Variants in KAZN observed in about 807,000 individuals in gnomAD.
KAZN encodes kazrin, periplakin interacting protein.
A neutral mutation model predicts 87.4 loss-of-function variants in KAZN; 40 were observed. The observed-to-expected ratio is 0.46, with a 90% CI of 0.36 to 0.60. The LOEUF (loss-of-function observed/expected upper bound fraction) is 0.60. Ranked by LOEUF, KAZN falls within the 20% of genes least tolerant of loss-of-function variation. The pLI, the probability that KAZN is intolerant of heterozygous loss-of-function variation, is 0.00. For missense variants in KAZN, 898 were observed against 1,073.9 expected, an observed-to-expected ratio of 0.84 and a Z score of 2.29; for synonymous variants, 466 against 458.3, an observed-to-expected ratio of 1.02 and a Z score of -0.22.
rs1641897942 is a variant in KAZN, at chr1:15,117,920, A to AT, written c.*3289dup. The AT allele has an allele frequency of 6.6e-6, 1 of 152,192 alleles. No individual in the cohort carries two copies. Among genetic ancestry groups the AT allele is most frequent in the African/African-American group, 2.4e-5 (1 of 41,456 alleles). 9.4% of individuals were successfully genotyped at this position (152,192 alleles called of 1,614,324 possible). A position where few individuals can be genotyped will look rare whatever the true frequency, so the allele number is the denominator to read the frequency against. On this transcript the variant is annotated 3_prime_UTR_variant, in exon 15 of 15. Transcript: ENST00000376030. ...CTCCCGAGCCCTGACACACAAAGGC[A>AT]TTTTGTGGCTGCAGAGGAAATGGGT...
At position 14,092,585 on chromosome 1, in the gene KAZN, A is replaced by ACACACACATATATACATATG. The variant is rs554401623; in HGVS notation, c.92-87850_92-87849insCACACACATATATACATATG. 1.9e-3 allele frequency among the ~76,000 whole-genome samples: 291 copies of ACACACACATATATACATATG among 149,356 alleles called. 8 individuals carry two copies. In the South Asian group the frequency reaches 0.055, roughly 28 times the overall value. Reference sequence around the variant, plus strand: ...CACATATATACATATGTATGTACATATATGTACATATACACACATATATAC... The same window carrying ACACACACATATATACATATG: ...CACATATATACATATGTATGTACATACACACACATATATACATATGTATGTACATATACACACATATATAC... On this transcript the variant is annotated intron_variant, in intron 1 of 16. Coordinates refer to the KAZN transcript ENST00000636203.
At chr1:14,938,542 CA>C (rs35014105) in intron 1 of KAZN, among the ~76,000 whole-genome samples, 60,261 of 107,682 alleles carry the variant, frequency 0.56, 16,053 homozygotes, top group African/African-American at 0.81. Flanking sequence ...AACTCCATCT[CA>C]AAAAAAAAAA....
chr1:14,278,339 G>A (rs1179191493), intron 2 of KAZN, among the ~76,000 whole-genome samples: 1 of 143,336 alleles, frequency 7.0e-6, no homozygotes, highest in African/African-American at 2.6e-5. Context: ...CGCACAGGCT[G>A]GAGTGCAGTG....
At chr1:14,960,238 C>A (rs896208639) in intron 1 of KAZN, among the ~76,000 whole-genome samples, 2 of 152,304 alleles carry the variant, frequency 1.3e-5, no homozygotes, top group South Asian at 4.1e-4. Flanking sequence ...TTATGACCAC[C>A]TGGAGTTACT....
intron 2 of KAZN, among the ~76,000 whole-genome samples, chr1:14,191,006 C>T (rs934255816): frequency 1.6e-4 from 25 of 152,158 alleles, no homozygotes; most frequent in African/African-American, 5.8e-4. Context: ...GTCATGTTCT[C>T]AGGAGAAAGA....
intron 2 of KAZN, among the ~76,000 whole-genome samples, chr1:14,580,380 CAGG>C (rs1370977243): frequency 2.0e-5 from 3 of 152,052 alleles, no homozygotes; most frequent in African/African-American, 7.3e-5. Flanking sequence ...AAGGCTGAGG[CAGG>C]AGAATTGCTT....
At chr1:15,046,691 G>C (rs1273318885) in intron 4 of KAZN, among the ~76,000 whole-genome samples, 1 of 152,220 alleles carries the variant, frequency 6.6e-6, no homozygotes, top group African/African-American at 2.4e-5. Context: ...GCCTAGCCTA[G>C]GTCTCCTTGT....
At chr1:15,058,326 G>C (rs934675803) in intron 5 of KAZN, among the ~76,000 whole-genome samples, 1 of 152,254 alleles carries the variant, frequency 6.6e-6, no homozygotes, top group Non-Finnish European at 1.5e-5. Context: ...AACTCACCCA[G>C]ATTGGAATTG....
intron 1 of KAZN, among the ~76,000 whole-genome samples, chr1:14,163,332 A>C (rs1300422911): frequency 6.6e-6 from 1 of 152,224 alleles, no homozygotes; most frequent in East Asian, 1.9e-4. Context: ...TGAGGTTTTC[A>C]TACATTGGCA....
Position 14,261,799 on chromosome 1 carries a change from C to T in KAZN, c.249+81207C>T, listed in dbSNP as rs752316103. The stretch of plus-strand genomic sequence containing the variant: ...CGAATTGTTCCTGAAGTCTGTCTTG[C>T]GGTACTTGTCACTTCAGTCTTTCTC... On this transcript the variant is annotated intron_variant, in intron 2 of 16. Coordinates refer to the KAZN transcript ENST00000636203. Among the ~76,000 whole-genome samples the T allele has an allele frequency of 5.9e-5, 9 of 152,100 alleles. No individual in the cohort carries two copies. The South Asian group carries it at 6.2e-4, about 10-fold the overall frequency.
At chr1:15,051,171 C>G (rs1674364630) in intron 4 of KAZN, among the ~76,000 whole-genome samples, 1 of 152,278 alleles carries the variant, frequency 6.6e-6, no homozygotes, top group South Asian at 2.1e-4. Flanking sequence ...CCTAGACGAG[C>G]ACTCATCTGC....
At chr1:14,501,120 TAAATAAATAAAA>T (rs1329224289) in intron 2 of KAZN, among the ~76,000 whole-genome samples, 6 of 116,444 alleles carry the variant, frequency 5.2e-5, no homozygotes, top group South Asian at 5.1e-4. Flanking sequence ...AATAAATAAA[TAAATAAATAAAA>T]ATAATAATAA....
At chr1:14,221,458 T>C (rs1323569767) in intron 2 of KAZN, among the ~76,000 whole-genome samples, 1 of 152,154 alleles carries the variant, frequency 6.6e-6, no homozygotes, top group Non-Finnish European at 1.5e-5. Context: ...GTTTTCTTTG[T>C]CTTTTTCTTT....
rs142147780 is a variant in KAZN at position 14,828,741 on chromosome 1, G to A, written c.227-131943G>A. On this transcript the variant is annotated intron_variant, in intron 1 of 14. Transcript: ENST00000376030. ...AATGCTGTGGTTGGTAGCACTGGAC[G>A]GGTACAACAGTCCAAAAGCATCATC... Among the ~76,000 whole-genome samples the A allele has an allele frequency of 8.5e-5, 13 of 152,216 alleles. No homozygotes were observed. In the East Asian group the frequency reaches 9.6e-4, roughly 11 times the overall value.
intron 1 of KAZN, among the ~76,000 whole-genome samples, chr1:14,636,520 G>A (rs933083383): frequency 3.3e-5 from 5 of 152,116 alleles, no homozygotes; most frequent in African/African-American, 7.2e-5. Flanking sequence ...TGACAGCAGC[G>A]GCTGACACGG....
intron 1 of KAZN, among the ~76,000 whole-genome samples, chr1:14,831,916 T>G (rs1647059753): frequency 6.6e-6 from 1 of 152,190 alleles, no homozygotes; most frequent in African/African-American, 2.4e-5. Context: ...GGGAATTGGC[T>G]GGGCTTAGTG....
At chr1:14,022,943 T>C (rs755439181) in intron 1 of KAZN, among the ~76,000 whole-genome samples, 2 of 152,170 alleles carry the variant, frequency 1.3e-5, no homozygotes, top group Non-Finnish European at 2.9e-5. Flanking sequence ...TTTGGACTTC[T>C]GATTGTTCCC....
In KAZN at chr1:14,055,805, G is replaced by T. The variant is rs1297473565; in HGVS notation, c.92-124630G>T. ...AGAGCAAAGGAAAATGAATATTATT[G>T]TTTACAACAGAAAAATCAGCCTCCC... On this transcript the variant is annotated intron_variant, in intron 1 of 16. Transcript: ENST00000636203. Among the ~76,000 whole-genome samples, 4 of 152,248 alleles carry T rather than the reference G, an allele frequency of 2.6e-5. 2 individuals are homozygous for T. The highest frequency in any genetic ancestry group is 9.6e-5 in the African/African-American group (4 of 41,538).
intron 1 of KAZN, among the ~76,000 whole-genome samples, chr1:14,955,788 G>A (rs1663019532): frequency 1.3e-5 from 2 of 152,344 alleles, no homozygotes; most frequent in South Asian, 2.1e-4. Flanking sequence ...AGGGTGCAGA[G>A]AAGACCCTGG....
Sources: gnomAD v4.1 joint callset for allele counts (sites outside exome capture counted in the v4.1 genomes callset) on GRCh38, gnomAD v4.1.1 for gene constraint, MANE v1.5 for transcripts, NCBI Gene and HGNC (gene_info 2026-07-23, HGNC 2026-07-21) for gene names.